The following SRPK2 variants were observed in gnomAD, a reference collection of about 807,000 sequenced individuals.
SRPK2 encodes the protein SFRS protein kinase 2.
In SRPK2, 21 loss-of-function variants were observed where a neutral mutation model predicts 90.8. The observed-to-expected ratio is 0.23, with a 90% CI of 0.16 to 0.33. The LOEUF (loss-of-function observed/expected upper bound fraction) is 0.33. Ranked by LOEUF, SRPK2 falls within the 10% of genes least tolerant of loss-of-function variation. The pLI, the probability that SRPK2 is intolerant of heterozygous loss-of-function variation, is 1.00. For missense variants in SRPK2, 620 were observed against 869.0 expected (o/e 0.71, Z 3.60); for synonymous variants, 288 against 311.1 (o/e 0.93, Z 0.78).
chr7:105,369,742 T>A (rs994381499), intron 2 of SRPK2, among the ~76,000 whole-genome samples: 2 of 152,026 alleles, frequency 1.3e-5, no homozygotes, highest in African/African-American at 4.8e-5. Flanking sequence ...TAAAAGTGAC[T>A]GAAGGCCGGG....
rs376616244 is a variant in SRPK2, at chr7:105,185,933, A to C, written c.230-16668T>G. Among the ~76,000 whole-genome samples, 24 of 152,314 alleles carry C rather than the reference A, an allele frequency of 1.6e-4. No homozygotes were observed. In the East Asian group the frequency reaches 4.0e-3, roughly 26 times the overall value. On this transcript the variant is annotated intron_variant, in intron 3 of 15. Transcript: ENST00000393651. The stretch of plus-strand genomic sequence containing the variant: ...AATTAGATAAATACATGTCCTAAAA[A>C]AGGGGGTTAGTTTACTGTACCTACA...
chr7:105,390,613 T>TTTG (rs1364537625), upstream of SRPK2, among the ~76,000 whole-genome samples: 15 of 126,388 alleles, frequency 1.2e-4, no homozygotes, highest in Non-Finnish European at 1.7e-5. Flanking sequence ...TTTTGTTTTT[T>TTTG]TTTTTTTTTT....
chr7:105,169,379 C>T lies in SRPK2; in HGVS notation c.230-114G>A, dbSNP rs551465765. 8.5e-6 allele frequency: 6 copies of T among 703,306 alleles called. No homozygotes were observed. The East Asian group carries it at 1.6e-4, about 19-fold the overall frequency. The allele number at this position is 703,306 out of a possible 1,614,324, so 43.6% of individuals were successfully genotyped here. A position where few individuals can be genotyped will look rare whatever the true frequency, so the allele number is the denominator to read the frequency against. On this transcript the variant is annotated intron_variant, in intron 3 of 15. Coordinates refer to ENST00000393651, the MANE Select transcript of SRPK2 (RefSeq NM_182692.3). ...TAAAGAAAGCTCTACATAATACATG[C>T]AGACTAAAACATGTTTAATAATACA...
chr7:105,125,904 G>A, intron 15 of SRPK2: 3 of 1,154,660 alleles, frequency 2.6e-6, no homozygotes, highest in Non-Finnish European at 3.5e-6. Flanking sequence ...CAGCAAAACA[G>A]AAACACACGA....
intron 2 of SRPK2, among the ~76,000 whole-genome samples, chr7:105,363,152 G>A (rs1266075146): frequency 2.6e-5 from 4 of 151,896 alleles, no homozygotes; most frequent in African/African-American, 7.3e-5. Flanking sequence ...AAAGCTGCAC[G>A]TTGTGCACAT....
At chr7:105,232,278 T>A (rs1287293744) in intron 2 of SRPK2, among the ~76,000 whole-genome samples, 1 of 151,912 alleles carries the variant, frequency 6.6e-6, no homozygotes, top group Non-Finnish European at 1.5e-5. Flanking sequence ...CTCACCAACA[T>A]GGAGAAATCC....
intron 7 of SRPK2, among the ~76,000 whole-genome samples, chr7:105,154,794 C>A (rs1806253124): frequency 1.3e-5 from 2 of 151,770 alleles, no homozygotes; most frequent in Admixed American, 6.6e-5. Flanking sequence ...CCTGCCTCAG[C>A]CTCCCGAGTA....
intron 3 of SRPK2, among the ~76,000 whole-genome samples, chr7:105,192,290 T>C (rs1355474927): frequency 1.3e-5 from 2 of 152,148 alleles, no homozygotes; most frequent in South Asian, 2.1e-4. Flanking sequence ...CTCCCACTTA[T>C]GAGTGAGAGA....
intron 2 of SRPK2, among the ~76,000 whole-genome samples, chr7:105,305,433 T>A (rs938877316): frequency 6.6e-6 from 1 of 152,096 alleles, no homozygotes; most frequent in Admixed American, 6.5e-5. Flanking sequence ...AGAGCGAGAC[T>A]CTGTCACAAA....
chr7:105,295,841 C>CGTCT (rs1338650868), intron 2 of SRPK2, among the ~76,000 whole-genome samples: 2 of 152,178 alleles, frequency 1.3e-5, no homozygotes, highest in Non-Finnish European at 2.9e-5. Context: ...TAACATTAGA[C>CGTCT]ACACAGGGTT....
chr7:105,281,225 T>C (rs1457758181), intron 2 of SRPK2, among the ~76,000 whole-genome samples: 1 of 151,514 alleles, frequency 6.6e-6, no homozygotes, highest in Admixed American at 6.6e-5. Context: ...GCCTCCCGAG[T>C]AGCTGGGATT....
chr7:105,184,656 AAC>A (rs1793341638), intron 3 of SRPK2, among the ~76,000 whole-genome samples: 1 of 152,186 alleles, frequency 6.6e-6, no homozygotes, highest in Admixed American at 6.5e-5. Flanking sequence ...AAATGTATAT[AAC>A]AGTTTGTATG....
chr7:105,147,644 T>C (rs1425950124), intron 7 of SRPK2, among the ~76,000 whole-genome samples: 1 of 152,154 alleles, frequency 6.6e-6, no homozygotes, highest in African/African-American at 2.4e-5. Flanking sequence ...AATGACAACA[T>C]TTTCATTGCT....
At chr7:105,328,757 C>G (rs527668567) in intron 2 of SRPK2, among the ~76,000 whole-genome samples, 2 of 150,442 alleles carry the variant, frequency 1.3e-5, no homozygotes, top group Admixed American at 1.3e-4. Context: ...CCCAGCTACT[C>G]AGGAGGCTGA....
At chr7:105,359,251 C>T (rs1031651086) in intron 2 of SRPK2, among the ~76,000 whole-genome samples, 1 of 150,666 alleles carries the variant, frequency 6.6e-6, no homozygotes, top group African/African-American at 2.4e-5. Flanking sequence ...CTCTGCCTCC[C>T]GGGTTCAAGC....
chr7:105,342,840 A>G (rs1476008669), intron 2 of SRPK2, among the ~76,000 whole-genome samples: 1 of 152,214 alleles, frequency 6.6e-6, no homozygotes, highest in African/African-American at 2.4e-5. Flanking sequence ...GAAAGGAGGG[A>G]CAATAAAATG....
chr7:105,152,425 C>T (rs1376745127), intron 7 of SRPK2, among the ~76,000 whole-genome samples: 2 of 152,200 alleles, frequency 1.3e-5, no homozygotes, highest in South Asian at 2.1e-4. Context: ...GCTAGGATTA[C>T]AGGCGTGAGC....
intron 2 of SRPK2, among the ~76,000 whole-genome samples, chr7:105,380,516 C>T (rs529758176): frequency 7.4e-4 from 102 of 137,774 alleles, no homozygotes; most frequent in South Asian, 3.3e-3. Flanking sequence ...AATTAACATG[C>T]TAAAATTTTT....
At chr7:105,291,046 A>C (rs1320653306) in intron 2 of SRPK2, among the ~76,000 whole-genome samples, 2 of 87,240 alleles carry the variant, frequency 2.3e-5, no homozygotes, top group African/African-American at 6.7e-5. Flanking sequence ...CTCCGTCTCA[A>C]AAAAAAAAAA....
Sources: allele counts gnomAD v4.1 joint callset (sites outside exome capture counted in the v4.1 genomes callset), GRCh38; gene constraint gnomAD v4.1.1; transcripts MANE v1.5; gene names NCBI Gene and HGNC (gene_info 2026-07-23, HGNC 2026-07-21).